Variants in LRRTM4 observed in about 807,000 individuals in gnomAD.
The protein encoded by LRRTM4 is leucine-rich repeat transmembrane neuronal protein 4.
In LRRTM4, 25 loss-of-function variants were observed where a neutral mutation model predicts 47.6. The observed-to-expected ratio is 0.53, with a 90% confidence interval of 0.38 to 0.73. The LOEUF (loss-of-function observed/expected upper bound fraction) is 0.73, where lower values mean the gene tolerates loss of function less well. LRRTM4 is among the 30% of genes least tolerant of loss of function. The probability of loss-of-function intolerance (pLI) is 0.00; values close to 1 mark genes in which losing one functional copy is unlikely to be tolerated. For missense variants in LRRTM4, 638 were observed against 713.4 expected (o/e 0.89, Z 1.20); for synonymous variants, 311 against 269.5 (o/e 1.15, Z -1.51).
chr2:77,044,303 G>C (rs1679155437), intron 3 of LRRTM4, among the ~76,000 whole-genome samples: 1 of 151,402 alleles, frequency 6.6e-6, no homozygotes, highest in African/African-American at 2.4e-5. Flanking sequence ...CTTAAAATAG[G>C]TCAACTAAAG....
chr2:77,278,145 T>C (rs983571667), intron 3 of LRRTM4, among the ~76,000 whole-genome samples: 1 of 151,910 alleles, frequency 6.6e-6, no homozygotes, highest in Non-Finnish European at 1.5e-5. Context: ...CAAAGCTGGG[T>C]TCTCCTCCTG....
chr2:77,356,494 C>A (rs994280219), intron 3 of LRRTM4, among the ~76,000 whole-genome samples: 3 of 152,066 alleles, frequency 2.0e-5, no homozygotes, highest in Admixed American at 6.6e-5. Flanking sequence ...TCAAAGGGAA[C>A]AGAAGTATCA....
chr2:77,300,355 A>G (rs1208574396), intron 3 of LRRTM4, among the ~76,000 whole-genome samples: 2 of 152,154 alleles, frequency 1.3e-5, no homozygotes, highest in African/African-American at 4.8e-5. Flanking sequence ...AAATATTTTA[A>G]ACTTTGGTCA....
chr2:76,979,194 C>T (rs1676514554), intron 3 of LRRTM4, among the ~76,000 whole-genome samples: 1 of 151,910 alleles, frequency 6.6e-6, no homozygotes, highest in Non-Finnish European at 1.5e-5. Context: ...CTTGGGGACT[C>T]CCAGAAGTGC....
chr2:76,841,896 C>G (rs549820879), intron 3 of LRRTM4, among the ~76,000 whole-genome samples: 1 of 152,216 alleles, frequency 6.6e-6, no homozygotes, highest in African/African-American at 2.4e-5. Context: ...AGGAAGATGT[C>G]AGTGAAGCTA....
chr2:77,473,350 T>C (rs1281525607), intron 3 of LRRTM4, among the ~76,000 whole-genome samples: 3 of 152,104 alleles, frequency 2.0e-5, no homozygotes, highest in Non-Finnish European at 1.5e-5. Flanking sequence ...ATAAATAAGC[T>C]CATTTTTATA....
chr2:77,111,669 G>T (rs115360655), intron 3 of LRRTM4, among the ~76,000 whole-genome samples: 1,618 of 152,096 alleles, frequency 0.011, 31 homozygotes, highest in African/African-American at 0.037. Flanking sequence ...GCCCTTAGTT[G>T]CTTAGTAGCT....
chr2:76,790,261 G>A (rs1291491491), intron 3 of LRRTM4, among the ~76,000 whole-genome samples: 1 of 152,154 alleles, frequency 6.6e-6, no homozygotes, highest in Non-Finnish European at 1.5e-5. Context: ...TGCTTTGTCA[G>A]TACGGTGGTA....
chr2:76,888,092 G>T (rs1558715436), intron 3 of LRRTM4, among the ~76,000 whole-genome samples: 2 of 149,908 alleles, frequency 1.3e-5, no homozygotes, highest in Non-Finnish European at 3.0e-5. Context: ...TACATATATA[G>T]TGTGTGTGTA....
intron 3 of LRRTM4, among the ~76,000 whole-genome samples, chr2:77,061,835 C>T (rs924969415): frequency 6.6e-6 from 1 of 152,134 alleles, no homozygotes; most frequent in African/African-American, 2.4e-5. Flanking sequence ...AAACCAATCA[C>T]GCTGGATTAT....
intron 3 of LRRTM4, among the ~76,000 whole-genome samples, chr2:77,211,808 AT>A (rs1286799725): frequency 6.6e-6 from 1 of 152,114 alleles, no homozygotes; most frequent in Admixed American, 6.6e-5. Context: ...TATTTCACCA[AT>A]TTTTACCTTA....
At chr2:77,023,046 A>C (rs1472370843) in intron 3 of LRRTM4, among the ~76,000 whole-genome samples, 4 of 152,164 alleles carry the variant, frequency 2.6e-5, no homozygotes, top group Admixed American at 6.5e-5. Context: ...GCATTTCCAT[A>C]CATCTTCTGA....
intron 3 of LRRTM4, among the ~76,000 whole-genome samples, chr2:77,430,718 T>C (rs1317800758): frequency 1.7e-5 from 2 of 119,060 alleles, no homozygotes; most frequent in African/African-American, 4.0e-5. Context: ...TGAAACTCTG[T>C]CTCAAAAAAA....
At chr2:77,253,005 A>G (rs540417615) in intron 3 of LRRTM4, among the ~76,000 whole-genome samples, 126 of 152,102 alleles carry the variant, frequency 8.3e-4, no homozygotes, top group African/African-American at 1.2e-3. Context: ...CCTGTGCCCA[A>G]TAATTCTCTC....
At chr2:77,215,852 A>G (rs1674420691) in intron 3 of LRRTM4, among the ~76,000 whole-genome samples, 1 of 152,208 alleles carries the variant, frequency 6.6e-6, no homozygotes, top group Admixed American at 6.5e-5. Flanking sequence ...CTCAGTCTTA[A>G]TTAGTGAAGT....
At chr2:76,902,327 T>G (rs548376607) in intron 3 of LRRTM4, among the ~76,000 whole-genome samples, 2 of 152,312 alleles carry the variant, frequency 1.3e-5, no homozygotes, top group South Asian at 2.1e-4. Flanking sequence ...TATCTTTTTT[T>G]AAAATTAAAT....
intron 3 of LRRTM4, among the ~76,000 whole-genome samples, chr2:77,105,494 C>A (rs1436235863): frequency 2.4e-5 from 3 of 127,260 alleles, no homozygotes; most frequent in Non-Finnish European, 4.7e-5. Flanking sequence ...GAACATCACA[C>A]ACCGGGGCCT....
At chr2:77,507,203 C>G (rs540533091) in intron 3 of LRRTM4, among the ~76,000 whole-genome samples, 1 of 152,052 alleles carries the variant, frequency 6.6e-6, no homozygotes, top group East Asian at 1.9e-4. Flanking sequence ...TCAGAATAAC[C>G]TGTATCTTTG....
chr2:76,797,653 T>C (rs1296723446), intron 3 of LRRTM4, among the ~76,000 whole-genome samples: 2 of 151,404 alleles, frequency 1.3e-5, no homozygotes, highest in African/African-American at 2.4e-5. Context: ...ATGCTCCAAT[T>C]AAAAGACACA....
Sources: gnomAD v4.1 joint callset for allele counts (sites outside exome capture counted in the v4.1 genomes callset) on GRCh38, gnomAD v4.1.1 for gene constraint, MANE v1.5 for transcripts, NCBI Gene and HGNC (gene_info 2026-07-23, HGNC 2026-07-21) for gene names.